Variants in GGA2 observed in about 807,000 individuals in gnomAD.
The protein encoded by GGA2 is ADP-ribosylation factor-binding protein GGA2.
A neutral mutation model predicts 79.5 loss-of-function variants in GGA2; 48 were observed. The observed-to-expected ratio is 0.60, with a 90% CI of 0.48 to 0.77. The LOEUF is 0.77. Ranked by LOEUF, GGA2 falls within the 30% of genes least tolerant of loss-of-function variation. The probability of loss-of-function intolerance (pLI) is 0.00; values close to 1 mark genes in which losing one functional copy is unlikely to be tolerated. For synonymous variants in GGA2, 317 were observed against 302.0 expected, an observed-to-expected ratio of 1.05 and a Z score of -0.51; for missense variants, 770 against 774.0, an observed-to-expected ratio of 0.99 and a Z score of 0.06.
chr16:23,505,270 T>C (rs1284996195), intron 1 of GGA2, among the ~76,000 whole-genome samples: 1 of 152,082 alleles, frequency 6.6e-6, no homozygotes, highest in Admixed American at 6.6e-5. Flanking sequence ...CACCCAACTT[T>C]TACTAAGCCA....
At chr16:23,489,369 G>A (rs1229046098) in intron 5 of GGA2, among the ~76,000 whole-genome samples, 1 of 152,036 alleles carries the variant, frequency 6.6e-6, no homozygotes, top group Non-Finnish European at 1.5e-5. Context: ...CAAGTAGCTG[G>A]GACTACAGGT....
intron 14 of GGA2, among the ~76,000 whole-genome samples, chr16:23,473,679 A>G (rs1301588168): frequency 2.0e-5 from 3 of 152,088 alleles, no homozygotes; most frequent in Non-Finnish European, 2.9e-5. Flanking sequence ...TTTGTTTTTA[A>G]CTTTTTTATT....
At chr16:23,474,239 A>C (rs981303856) in intron 14 of GGA2, among the ~76,000 whole-genome samples, 1 of 152,156 alleles carries the variant, frequency 6.6e-6, no homozygotes, top group African/African-American at 2.4e-5. Flanking sequence ...TTGAATCCCA[A>C]CCCAAATCAA....
intron 7 of GGA2, 48 bp downstream of exon 7, chr16:23,486,662 G>T: frequency 9.5e-7 from 1 of 1,056,742 alleles, no homozygotes; most frequent in Non-Finnish European, 1.5e-6. Flanking sequence ...CTGTCCTTCA[G>T]CCTCTGTCAA....
chr16:23,493,295 G>A, intron 4 of GGA2, 65 bp downstream of exon 4: 1 of 959,496 alleles, frequency 1.0e-6, no homozygotes, highest in South Asian at 1.3e-5. Context: ...CCTGAGGAGG[G>A]AGCCAGGAGT....
At chr16:23,501,616 G>C (rs1321906941) in intron 1 of GGA2, 1 of 265,502 alleles carries the variant, frequency 3.8e-6, no homozygotes, top group Non-Finnish European at 7.5e-6. Context: ...CTGCTATAAA[G>C]GGCTGTCAGC....
chr16:23,507,560 G>A (rs140434372), intron 1 of GGA2, among the ~76,000 whole-genome samples: 7,950 of 149,878 alleles, frequency 0.053, 306 homozygotes, highest in Admixed American at 0.099. Context: ...CCTGGGAGGC[G>A]GACGTTGCAG....
At chr16:23,467,770 C>A in intron 16 of GGA2, 70 bp from the exon 17 acceptor site, 1 of 781,650 alleles carries the variant, frequency 1.3e-6, no homozygotes, top group South Asian at 1.4e-5. Flanking sequence ...AATGTTAAGT[C>A]AAGTGAGTGT....
Position 23,495,713 on chromosome 16 carries a change from C to A in GGA2, c.157G>T (p.Val53Leu). The A allele has an allele frequency of 2.5e-6, 4 of 1,608,616 alleles. No individual in the cohort carries two copies. Among genetic ancestry groups the A allele is most frequent in the Non-Finnish European group, 2.6e-6 (3 of 1,175,010 alleles). The change falls in exon 2 of 17, where the codon GTG becomes TTG. Residue 53 changes from valine (V) to leucine (L), a missense_variant. Val to Leu is a conservative substitution (Grantham distance 32). Transcript: ENST00000309859. Reference protein sequence around the residue: ...WSAIQNFCEQVNTDPNGPTHA... With the variant: ...WSAIQNFCEQLNTDPNGPTHA... ...CCTTACCCATTGGGGTCAGTGTTCA[C>A]CTGCTCACAGAAATTCTGGATAGCT...
chr16:23,521,288 C>T (rs1965140130), intron 1 of GGA2, among the ~76,000 whole-genome samples: 1 of 152,144 alleles, frequency 6.6e-6, no homozygotes, highest in Admixed American at 6.6e-5. Context: ...CCCATTTCTG[C>T]CTCCCCAAGT....
At chr16:23,491,321 A>AC (rs1429777962) in intron 5 of GGA2, among the ~76,000 whole-genome samples, 1 of 151,404 alleles carries the variant, frequency 6.6e-6, no homozygotes, top group Non-Finnish European at 1.5e-5. Flanking sequence ...AAAAAAAAAA[A>AC]AAAAAAAACC....
chr16:23,498,670 G>A (rs998187680), intron 1 of GGA2, among the ~76,000 whole-genome samples: 1 of 152,224 alleles, frequency 6.6e-6, no homozygotes, highest in Non-Finnish European at 1.5e-5. Context: ...GCAGCATGCA[G>A]TAAGAGGTCT....
chr16:23,469,069 G>C, intron 15 of GGA2, 73 bp from the exon 16 acceptor site: 2 of 938,318 alleles, frequency 2.1e-6, no homozygotes, highest in Admixed American at 1.8e-5. Flanking sequence ...AGGTGAGGGG[G>C]AGCTGGACCT....
At chr16:23,470,746 C>CCCAA (rs1461652286) in intron 14 of GGA2, among the ~76,000 whole-genome samples, 7 of 52,504 alleles carry the variant, frequency 1.3e-4, no homozygotes, top group African/African-American at 5.6e-4. Flanking sequence ...GAGACTCTGT[C>CCCAA]TCAAACAAAC....
At chr16:23,482,861 A>G (rs1388313049) in intron 9 of GGA2, 62 bp downstream of exon 9, 1 of 952,396 alleles carries the variant, frequency 1.0e-6, no homozygotes, top group Non-Finnish European at 1.7e-6. Flanking sequence ...GCAGTGTGAC[A>G]GGAGGGACCG....
At chr16:23,510,554 C>CA (rs1371047397), upstream of GGA2, 2 of 249,912 alleles carry the variant, frequency 8.0e-6, no homozygotes, top group African/African-American at 7.5e-5. Context: ...CCACCCCAGG[C>CA]CCCCCCTCCA....
intron 13 of GGA2, among the ~76,000 whole-genome samples, 185 bp downstream of exon 13, chr16:23,478,183 A>G (rs1201705437): frequency 6.7e-6 from 1 of 148,186 alleles, no homozygotes; most frequent in African/African-American, 2.5e-5. Context: ...TGGGCAACAG[A>G]GTGAGACCCC....
At position 23,464,307 on chromosome 16, in the gene GGA2, C is replaced by G. The variant is rs1264206033; in HGVS notation, c.*3283G>C. 6.6e-6 allele frequency: 1 copy of G among 152,126 alleles called. No homozygotes were observed. Among genetic ancestry groups the G allele is most frequent in the African/African-American group, 2.4e-5 (1 of 41,430 alleles). 9.4% of individuals were successfully genotyped at this position (152,126 alleles called of 1,614,324 possible). A position where few individuals can be genotyped will look rare whatever the true frequency, so the allele number is the denominator to read the frequency against. On this transcript the variant is annotated 3_prime_UTR_variant, in exon 17 of 17. Coordinates refer to ENST00000309859, the MANE Select transcript of GGA2 (RefSeq NM_015044.4). Reference sequence around the variant, plus strand: ...AATTAACTGCAGCAAAAGGTTAGGACAAAACATGGCATTATCAGGGCTTGA... The same window carrying G: ...AATTAACTGCAGCAAAAGGTTAGGAGAAAACATGGCATTATCAGGGCTTGA...
At chr16:23,496,071 G>A (rs1009079849) in intron 1 of GGA2, among the ~76,000 whole-genome samples, 1 of 151,898 alleles carries the variant, frequency 6.6e-6, no homozygotes, top group African/African-American at 2.4e-5. Flanking sequence ...AGGCCGAGGT[G>A]GGGGGAATCA....
Sources: allele counts gnomAD v4.1 joint callset (sites outside exome capture counted in the v4.1 genomes callset), GRCh38; gene constraint gnomAD v4.1.1; transcripts MANE v1.5; gene names NCBI Gene and HGNC (gene_info 2026-07-23, HGNC 2026-07-21).